Variants in RASAL2 observed in about 807,000 individuals in gnomAD.
RASAL2 encodes the protein RAS protein activator like 2.
RASAL2 carries 58 observed loss-of-function variants against 128.9 expected under a neutral mutation model. The observed-to-expected ratio is 0.45, with a 90% CI of 0.36 to 0.56. The LOEUF (loss-of-function observed/expected upper bound fraction) is 0.56. RASAL2 is among the 20% of genes least tolerant of loss of function. RASAL2 has a pLI of 0.00. For missense variants in RASAL2, 1,360 were observed against 1,601.6 expected (o/e 0.85, Z 2.57); for synonymous variants, 561 against 580.8 (o/e 0.97, Z 0.49).
chr1:178,321,085 A>T (rs146079088), intron 3 of RASAL2, among the ~76,000 whole-genome samples: 1 of 152,008 alleles, frequency 6.6e-6, no homozygotes, highest in African/African-American at 2.4e-5. Context: ...ATAATTTTTT[A>T]TTTATTTATT....
At chr1:178,222,303 G>T (rs1173654366) in intron 1 of RASAL2, among the ~76,000 whole-genome samples, 2 of 151,932 alleles carry the variant, frequency 1.3e-5, no homozygotes, top group East Asian at 3.9e-4. Context: ...CATTGCCTTT[G>T]TTCTTTTTTC....
In RASAL2 at chr1:178,454,612, T is replaced by C; in HGVS notation, c.2175T>C (p.His725=). The change falls in exon 12 of 18, where the codon CAT becomes CAC. Residue 725 remains histidine (H), a synonymous_variant. Coordinates refer to ENST00000367649, the MANE Select transcript of RASAL2 (RefSeq NM_170692.4). ...TGGGCCGAGAGCTTTCAGTTTTGCA[T>C]TCCTTACTGTGGGAAGTAGTTTCCC... ...IDLGRELSVL[H]SLLWEVVSQL... is the part of the protein sequence containing the mutation. The C allele has an allele frequency of 1.2e-6, 2 of 1,613,890 alleles. No individual in the cohort carries two copies. Among genetic ancestry groups the C allele is most frequent in the Non-Finnish European group, 1.7e-6 (2 of 1,179,788 alleles).
chr1:178,353,877 G>A (rs1470728710), intron 3 of RASAL2, among the ~76,000 whole-genome samples: 1 of 152,112 alleles, frequency 6.6e-6, no homozygotes, highest in Admixed American at 6.5e-5. Flanking sequence ...GCTGAGGTGG[G>A]TGGATCACTG....
chr1:178,230,186 T>C (rs1360593307), intron 1 of RASAL2, among the ~76,000 whole-genome samples: 1 of 152,226 alleles, frequency 6.6e-6, no homozygotes, highest in African/African-American at 2.4e-5. Context: ...AACACCACAA[T>C]GTATTTAGAC....
chr1:178,362,088 C>A (rs1171400112), intron 3 of RASAL2, among the ~76,000 whole-genome samples: 1 of 152,166 alleles, frequency 6.6e-6, no homozygotes, highest in Non-Finnish European at 1.5e-5. Flanking sequence ...AGGCCATAAA[C>A]CAGTACTGCT....
chr1:178,094,186 G>A lies in RASAL2; in HGVS notation c.-307G>A, dbSNP rs930909426. ...GGTGGGAGGGCGAGCCTCCCCTCCC[G>A]GGTTCTTCTGCGTCCTCTCCCGGGA... On this transcript the variant is annotated 5_prime_UTR_variant, in exon 1 of 18. Transcript: ENST00000367649. 7.6e-6 allele frequency: 3 copies of A among 397,026 alleles called. No homozygotes were observed. Among genetic ancestry groups the A allele is most frequent in the Non-Finnish European group, 1.3e-5 (3 of 223,052 alleles). 24.6% of individuals were successfully genotyped at this position (397,026 alleles called of 1,614,324 possible).
intron 3 of RASAL2, among the ~76,000 whole-genome samples, chr1:178,313,147 A>C (rs1202924244): frequency 1.3e-5 from 2 of 152,214 alleles, no homozygotes; most frequent in Non-Finnish European, 2.9e-5. Context: ...TAACGTACAT[A>C]GTCATAATAT....
At chr1:178,232,959 T>C (rs746309064) in intron 1 of RASAL2, among the ~76,000 whole-genome samples, 12 of 152,218 alleles carry the variant, frequency 7.9e-5, no homozygotes, top group Non-Finnish European at 1.5e-4. Context: ...AAAAAAATCA[T>C]TTCCCGAAAG....
At chr1:178,392,131 C>T (rs1045148982) in intron 4 of RASAL2, among the ~76,000 whole-genome samples, 4 of 152,118 alleles carry the variant, frequency 2.6e-5, no homozygotes, top group African/African-American at 9.7e-5. Flanking sequence ...AAAAAGTTTT[C>T]CATTCTGAGA....
intron 1 of RASAL2, among the ~76,000 whole-genome samples, chr1:178,234,192 T>G (rs900965444): frequency 7.2e-5 from 11 of 152,224 alleles, no homozygotes; most frequent in Non-Finnish European, 1.3e-4. Context: ...TGATCTACTT[T>G]TCCAGGTTAA....
chr1:178,401,497 G>T (rs1673624885), intron 4 of RASAL2, among the ~76,000 whole-genome samples: 1 of 152,070 alleles, frequency 6.6e-6, no homozygotes, highest in South Asian at 2.1e-4. Context: ...CCATGGGGCT[G>T]GGCCTGGTGG....
At chr1:178,433,040 A>C (rs1044206335) in intron 5 of RASAL2, among the ~76,000 whole-genome samples, 1 of 151,996 alleles carries the variant, frequency 6.6e-6, no homozygotes, top group Non-Finnish European at 1.5e-5. Context: ...CAAGTCTGTG[A>C]TCTCTCTCAA....
intron 16 of RASAL2, among the ~76,000 whole-genome samples, chr1:178,466,879 A>G (rs1647761275): frequency 6.6e-6 from 1 of 152,234 alleles, no homozygotes; most frequent in African/African-American, 2.4e-5. Flanking sequence ...GTAGACTGGC[A>G]GAATTAAACA....
chr1:178,116,529 T>C (rs1659523610), intron 1 of RASAL2, among the ~76,000 whole-genome samples: 2 of 151,920 alleles, frequency 1.3e-5, no homozygotes. Context: ...TTATTAAACA[T>C]TACTTTTTTT....
intron 5 of RASAL2, among the ~76,000 whole-genome samples, chr1:178,422,540 G>A (rs549699992): frequency 1.3e-5 from 2 of 152,130 alleles, no homozygotes; most frequent in East Asian, 3.9e-4. Flanking sequence ...AATATAGTTT[G>A]AATGTGTTAC....
chr1:178,296,117 ATATATATGTGTATATATATGTGTG>A (rs1667493503), intron 2 of RASAL2, among the ~76,000 whole-genome samples: 1 of 108,746 alleles, frequency 9.2e-6, no homozygotes, highest in South Asian at 2.6e-4. Flanking sequence ...ATATGTGTGT[ATATATATGTGTATATATATGTGTG>A]TGTATATATG....
chr1:178,299,015 G>T (rs141533745), intron 2 of RASAL2, among the ~76,000 whole-genome samples: 242 of 151,886 alleles, frequency 1.6e-3, no homozygotes, highest in Non-Finnish European at 2.6e-3. Flanking sequence ...ATTAGTATTA[G>T]AGATTTTTTT....
intron 1 of RASAL2, among the ~76,000 whole-genome samples, chr1:178,190,308 G>A (rs1455414699): frequency 6.8e-6 from 1 of 146,950 alleles, no homozygotes. Flanking sequence ...GAGAACTGAA[G>A]GTACTTAATT....
chr1:178,469,918 A>C (rs1558016717), intron 17 of RASAL2, among the ~76,000 whole-genome samples: 1 of 152,252 alleles, frequency 6.6e-6, no homozygotes, highest in Non-Finnish European at 1.5e-5. Context: ...ACTAAACTAT[A>C]TTTGGAAAAC....
Sources: gnomAD v4.1 joint callset for allele counts (sites outside exome capture counted in the v4.1 genomes callset) on GRCh38, gnomAD v4.1.1 for gene constraint, MANE v1.5 for transcripts, NCBI Gene and HGNC (gene_info 2026-07-23, HGNC 2026-07-21) for gene names.